The following SCAPER variants were observed in gnomAD, a reference collection of about 807,000 sequenced individuals.
SCAPER encodes the protein S phase cyclin A-associated protein in the endoplasmic reticulum.
In SCAPER, 98 loss-of-function variants were observed where a neutral mutation model predicts 182.2. The ratio of observed to expected loss-of-function variants is 0.54; its 90% CI spans 0.46 to 0.64. SCAPER has a LOEUF of 0.64. Among genes scored for constraint, SCAPER ranks in the 30% least tolerant of loss-of-function variants. The pLI is 0.00. For synonymous variants in SCAPER, 605 were observed against 564.6 expected (o/e 1.07, Z -1.01); for missense variants, 1,432 against 1,690.0 (o/e 0.85, Z 2.68).
At chr15:76,396,698 T>C (rs776953290) in intron 27 of SCAPER, among the ~76,000 whole-genome samples, 1 of 152,216 alleles carries the variant, frequency 6.6e-6, no homozygotes, top group Non-Finnish European at 1.5e-5. Flanking sequence ...GGTTTATCGG[T>C]TCTAATAGCT....
intron 23 of SCAPER, among the ~76,000 whole-genome samples, chr15:76,540,711 A>T (rs1185556793): frequency 1.3e-5 from 2 of 151,996 alleles, no homozygotes; most frequent in African/African-American, 2.4e-5. Flanking sequence ...TACAATGAAC[A>T]TGTATTATAG....
At chr15:76,783,246 T>G (rs1371482226) in intron 8 of SCAPER, among the ~76,000 whole-genome samples, 1 of 152,114 alleles carries the variant, frequency 6.6e-6, no homozygotes, top group Non-Finnish European at 1.5e-5. Context: ...CAGAGAATAC[T>G]ACAAACACCT....
intron 16 of SCAPER, among the ~76,000 whole-genome samples, chr15:76,729,329 T>A (rs537193768): frequency 7.2e-6 from 1 of 137,994 alleles, no homozygotes; most frequent in Admixed American, 7.2e-5. Context: ...CACACACATA[T>A]ACATATATAT....
intron 29 of SCAPER, among the ~76,000 whole-genome samples, chr15:76,368,989 G>C (rs1177573446): frequency 1.3e-5 from 2 of 152,152 alleles, no homozygotes; most frequent in African/African-American, 4.8e-5. Context: ...GGAATCTTTT[G>C]ATTAAAACAA....
intron 17 of SCAPER, among the ~76,000 whole-genome samples, chr15:76,719,613 T>C (rs1159449110): frequency 1.3e-5 from 2 of 152,198 alleles, no homozygotes; most frequent in East Asian, 3.8e-4. Flanking sequence ...CGCTTCACTA[T>C]AGTAAACCTT....
chr15:76,812,483 G>GAAAAAAAAAAA (rs59087455), intron 5 of SCAPER, among the ~76,000 whole-genome samples: 2 of 101,778 alleles, frequency 2.0e-5, no homozygotes, highest in Admixed American at 1.1e-4. Flanking sequence ...GTGAGACTCT[G>GAAAAAAAAAAA]AAAAAAAAAA....
chr15:76,680,100 A>G (rs1331901586), intron 20 of SCAPER, among the ~76,000 whole-genome samples: 1 of 152,084 alleles, frequency 6.6e-6, no homozygotes, highest in East Asian at 1.9e-4. Flanking sequence ...AATCTTTCAA[A>G]CCAAGATCAA....
At chr15:76,482,412 T>G (rs1388501741) in intron 24 of SCAPER, among the ~76,000 whole-genome samples, 1 of 152,206 alleles carries the variant, frequency 6.6e-6, no homozygotes, top group Non-Finnish European at 1.5e-5. Context: ...TAAGAAACTG[T>G]AGCTAACATC....
At chr15:76,777,065 A>G (rs1039636170) in intron 8 of SCAPER, among the ~76,000 whole-genome samples, 1 of 152,198 alleles carries the variant, frequency 6.6e-6, no homozygotes, top group African/African-American at 2.4e-5. Flanking sequence ...AACTAAAGAC[A>G]AAGAAAAATC....
At chr15:76,880,723 A>G (rs1025351696) in intron 2 of SCAPER, among the ~76,000 whole-genome samples, 3 of 142,944 alleles carry the variant, frequency 2.1e-5, no homozygotes, top group African/African-American at 9.0e-5. Flanking sequence ...AGTGAAAAGA[A>G]AAAAAAAAAA....
chr15:76,481,262 T>C (rs1211011560), intron 24 of SCAPER, among the ~76,000 whole-genome samples: 1 of 152,234 alleles, frequency 6.6e-6, no homozygotes, highest in African/African-American at 2.4e-5. Flanking sequence ...ATAAATATGC[T>C]GGGAGGCAAG....
At chr15:76,804,498 G>A (rs779024482) in intron 6 of SCAPER, 35 bp downstream of exon 6, 1 of 1,393,250 alleles carries the variant, frequency 7.2e-7, no homozygotes, top group South Asian at 1.2e-5. Flanking sequence ...GAAACTGCTG[G>A]ATGATAGGAA....
intron 22 of SCAPER, among the ~76,000 whole-genome samples, chr15:76,615,457 G>A (rs897770799): frequency 2.8e-5 from 4 of 144,390 alleles, no homozygotes; most frequent in Non-Finnish European, 6.0e-5. Flanking sequence ...AAACAAATGT[G>A]TCTGTATGTG....
rs545101024 is a variant in SCAPER at position 76,607,364 on chromosome 15, T to C, written c.2711+14400A>G. Among the ~76,000 whole-genome samples the C allele has an allele frequency of 2.0e-5, 3 of 152,378 alleles. No homozygotes were observed. In the South Asian group the frequency reaches 6.2e-4, roughly 32 times the overall value. ...CTGGCCCCCACTCTCTTCTGGCTTG[T>C]AGAGTTTCTGCTGAGAGATCAGCTG... On this transcript the variant is annotated intron_variant, in intron 22 of 31. Transcript: ENST00000563290.
intron 8 of SCAPER, among the ~76,000 whole-genome samples, chr15:76,783,977 G>C (rs1185088033): frequency 6.6e-6 from 1 of 152,170 alleles, no homozygotes; most frequent in Non-Finnish European, 1.5e-5. Context: ...ACGGGCACAA[G>C]ACAAGGATGC....
intron 27 of SCAPER, among the ~76,000 whole-genome samples, chr15:76,393,918 A>T (rs1362420752): frequency 1.3e-5 from 2 of 152,210 alleles, no homozygotes; most frequent in African/African-American, 4.8e-5. Context: ...AAGCACTCAG[A>T]TGATTCCAAC....
Position 76,851,097 on chromosome 15 carries a change from G to C in SCAPER, c.195+6712C>G, listed in dbSNP as rs566846233. ...AACAGAATAGACCAAGCTGAGGAAA[G>C]AATCTCAGAACTTGAAGGCTGGCTT... On this transcript the variant is annotated intron_variant, in intron 4 of 31. Coordinates refer to ENST00000563290, the MANE Select transcript of SCAPER (RefSeq NM_020843.4). Among the ~76,000 whole-genome samples, 7 of 152,052 alleles carry C rather than the reference G, an allele frequency of 4.6e-5. 1 individual carries two copies. The highest frequency in any genetic ancestry group is 1.7e-4 in the African/African-American group (7 of 41,508).
chr15:76,609,314 A>G (rs1303851084), intron 22 of SCAPER, among the ~76,000 whole-genome samples: 1 of 145,978 alleles, frequency 6.9e-6, no homozygotes, highest in African/African-American at 2.6e-5. Context: ...ATACAGTGAG[A>G]TCTTTTCTCT....
rs562982132 is a variant in SCAPER at position 76,860,132 on chromosome 15, T to C, written c.125-2253A>G. ...TATGTACAGATGTTTGATTATTATATTTTCTTTCCTTTGTTTTTTGAATAG... is the reference window on the plus strand; with the variant it reads ...TATGTACAGATGTTTGATTATTATACTTTCTTTCCTTTGTTTTTTGAATAG... On this transcript the variant is annotated intron_variant, in intron 3 of 31. Coordinates refer to ENST00000563290, the MANE Select transcript of SCAPER (RefSeq NM_020843.4). Among the ~76,000 whole-genome samples, 28 of 152,322 alleles carry C rather than the reference T, an allele frequency of 1.8e-4. 1 individual carries two copies. The highest frequency in any genetic ancestry group is 6.7e-4 in the African/African-American group (28 of 41,586).
Sources: allele counts gnomAD v4.1 joint callset (sites outside exome capture counted in the v4.1 genomes callset), GRCh38; gene constraint gnomAD v4.1.1; transcripts MANE v1.5; gene names NCBI Gene and HGNC (gene_info 2026-07-23, HGNC 2026-07-21).